The following DNAH5 variants were observed in gnomAD, a reference collection of about 807,000 sequenced individuals.
The protein encoded by DNAH5 is axonemal beta dynein heavy chain 5.
DNAH5 carries 372 observed loss-of-function variants against 518.2 expected under a neutral mutation model. The ratio of observed to expected loss-of-function variants is 0.72; its 90% CI spans 0.66 to 0.78. The LOEUF (loss-of-function observed/expected upper bound fraction) is 0.78. Among genes scored for constraint, DNAH5 ranks in the 30% least tolerant of loss-of-function variants. The pLI is 0.00. For missense variants in DNAH5, 5,523 were observed against 5,687.0 expected, an observed-to-expected ratio of 0.97 and a Z score of 0.93; for synonymous variants, 2,039 against 2,025.9, an observed-to-expected ratio of 1.01 and a Z score of -0.17.
At chr5:13,858,436 G>A (rs1430739118) in intron 30 of DNAH5, among the ~76,000 whole-genome samples, 3 of 152,112 alleles carry the variant, frequency 2.0e-5, no homozygotes, top group Non-Finnish European at 4.4e-5. Context: ...GGGGCAAGGG[G>A]AGGGATAGCA....
chr5:13,788,607 A>G (rs1756459484), intron 51 of DNAH5, 109 bp downstream of exon 51: 4 of 922,120 alleles, frequency 4.3e-6, no homozygotes, highest in Non-Finnish European at 5.3e-6. Context: ...TTGTATCAAT[A>G]AAGTTTACTA....
chr5:13,824,141 G>A, intron 39 of DNAH5, 58 bp downstream of exon 39: 2 of 1,519,470 alleles, frequency 1.3e-6, no homozygotes, highest in Non-Finnish European at 1.8e-6. Flanking sequence ...TCTCATGTAT[G>A]GGCAGTTAGT....
At chr5:13,917,878 C>T (rs1188992702) in intron 7 of DNAH5, among the ~76,000 whole-genome samples, 3 of 152,306 alleles carry the variant, frequency 2.0e-5, no homozygotes, top group Non-Finnish European at 2.9e-5. Flanking sequence ...ATCTATAGCA[C>T]GTTTATTGCA....
intron 1 of DNAH5, among the ~76,000 whole-genome samples, chr5:13,997,614 T>A (rs917125565): frequency 1.2e-4 from 18 of 152,314 alleles, no homozygotes; most frequent in Middle Eastern, 3.4e-3. Flanking sequence ...CTCACCAGAA[T>A]TATCCTTTAT....
At chr5:13,992,421 T>C (rs1783621261) in intron 1 of DNAH5, among the ~76,000 whole-genome samples, 1 of 152,232 alleles carries the variant, frequency 6.6e-6, no homozygotes, top group Admixed American at 6.5e-5. Context: ...TTCAGAATTT[T>C]TGTATCACTT....
intron 55 of DNAH5, among the ~76,000 whole-genome samples, chr5:13,771,672 C>T (rs1753356196): frequency 6.6e-6 from 1 of 152,218 alleles, no homozygotes; most frequent in African/African-American, 2.4e-5. Flanking sequence ...GGAGCCACCA[C>T]TGCGACGGGT....
rs1204559482 is a variant in DNAH5 at position 13,859,570 on chromosome 5, C to A, written c.4832G>T (p.Trp1611Leu). ...TGTTGAGTTGGAAAGGTACTGCACC[C>A]ATTTTTGAATCTGGGCTTTGAATGG... The part of the protein sequence containing the change: ...NMPFKAQIQK[W>L]VQYLSNSTDI... The change falls in exon 30 of 79, where the codon TGG becomes TTG. Residue 1611 changes from tryptophan to leucine, a missense_variant. Around this residue, in one of 3 missense-constraint regions of DNAH5, gnomAD observed 5,121 missense variants for 5,223.3 expected, o/e 0.98. Coordinates refer to ENST00000265104, the MANE Select transcript of DNAH5 (RefSeq NM_001369.3). The A allele has an allele frequency of 6.2e-7, 1 of 1,614,044 alleles. No individual in the cohort carries two copies. The highest frequency in any genetic ancestry group is 8.5e-7 in the Non-Finnish European group (1 of 1,179,938).
At chr5:13,954,046 C>G (rs564908094) in intron 1 of DNAH5, among the ~76,000 whole-genome samples, 1 of 152,100 alleles carries the variant, frequency 6.6e-6, no homozygotes, top group African/African-American at 2.4e-5. Flanking sequence ...AGTAAAGACC[C>G]TAAAGGTCAA....
Position 13,824,277 on chromosome 5 carries a change from T to C in DNAH5, c.6501A>G (p.Ala2167=), listed in dbSNP as rs1277792544. 6.2e-7 allele frequency: 1 copy of C among 1,614,122 alleles called. No individual in the cohort carries two copies. The highest frequency in any genetic ancestry group is 1.7e-5 in the Admixed American group (1 of 60,022). ...TATCCATTGGATTGGCTCTTTTTGCTGCTCCCAAGGTCCGAAGAACTGACA... is the reference window on the plus strand; with the variant it reads ...TATCCATTGGATTGGCTCTTTTTGCCGCTCCCAAGGTCCGAAGAACTGACA... The part of the protein sequence containing the change: ...NILSVLRTLG[A]AKRANPMDTE... The change falls in exon 39 of 79, where the codon GCA becomes GCG. Residue 2167 remains alanine (A), a synonymous_variant. Coordinates refer to ENST00000265104, the MANE Select transcript of DNAH5 (RefSeq NM_001369.3).
chr5:13,773,105 C>T (rs1029173461), intron 55 of DNAH5, among the ~76,000 whole-genome samples: 6 of 152,088 alleles, frequency 3.9e-5, no homozygotes, highest in Non-Finnish European at 8.8e-5. Flanking sequence ...TGTCTTATGT[C>T]TTTTAGTTCT....
At chr5:14,006,148 C>T (rs1412304042) in intron 1 of DNAH5, among the ~76,000 whole-genome samples, 2 of 152,196 alleles carry the variant, frequency 1.3e-5, no homozygotes, top group Non-Finnish European at 1.5e-5. Flanking sequence ...TCCAGACCTT[C>T]GCTCTGAATG....
At chr5:13,959,470 C>A (rs1473404630) in intron 1 of DNAH5, among the ~76,000 whole-genome samples, 2 of 152,228 alleles carry the variant, frequency 1.3e-5, no homozygotes, top group Non-Finnish European at 2.9e-5. Context: ...AGCCCCAAGT[C>A]AGAACCAGGC....
intron 47 of DNAH5, among the ~76,000 whole-genome samples, chr5:13,795,111 A>T (rs1163824910): frequency 1.3e-5 from 2 of 152,216 alleles, no homozygotes; most frequent in East Asian, 3.8e-4. Flanking sequence ...AAGATCCAAA[A>T]TTGACACCCT....
chr5:13,966,775 CAT>C (rs1781556497), intron 1 of DNAH5, among the ~76,000 whole-genome samples: 1 of 152,146 alleles, frequency 6.6e-6, no homozygotes, highest in African/African-American at 2.4e-5. Flanking sequence ...TTGTTGGATG[CAT>C]AGTTTGTGAA....
rs550569871 is a variant in DNAH5 at position 13,922,413 on chromosome 5, C to T, written c.439-85G>A. On this transcript the variant is annotated intron_variant, in intron 4 of 78. Transcript: ENST00000265104. The stretch of plus-strand genomic sequence containing the variant: ...CTAAGTCATTTCTTAAATGTTGTCA[C>T]TTTACCAAATACCCAGTAAATTATT... 5.0e-5 allele frequency: 66 copies of T among 1,322,758 alleles called. 3 individuals carry two copies. In the South Asian group the frequency reaches 7.1e-4, roughly 14 times the overall value. 81.9% of individuals were successfully genotyped at this position (1,322,758 alleles called of 1,614,324 possible).
chr5:13,884,062 C>T (rs921516849), intron 19 of DNAH5, among the ~76,000 whole-genome samples: 1 of 152,026 alleles, frequency 6.6e-6, no homozygotes, highest in African/African-American at 2.4e-5. Flanking sequence ...CTAGATTTGA[C>T]AGATTTTTGT....
chr5:13,692,615 C>A (rs567349433), intron 78 of DNAH5, among the ~76,000 whole-genome samples: 1 of 152,280 alleles, frequency 6.6e-6, no homozygotes, highest in African/African-American at 2.4e-5. Flanking sequence ...TGCCTCCCCA[C>A]CCCCCAGCTA....
chr5:13,915,844 C>T (rs1776592380), intron 9 of DNAH5, among the ~76,000 whole-genome samples: 2 of 152,082 alleles, frequency 1.3e-5, no homozygotes, highest in East Asian at 1.9e-4. Flanking sequence ...GTTTAAGCAT[C>T]GTTATGTTTT....
chr5:13,946,370 T>A (rs941953161), upstream of DNAH5, among the ~76,000 whole-genome samples: 1 of 152,154 alleles, frequency 6.6e-6, no homozygotes, highest in African/African-American at 2.4e-5. Context: ...GTGGCTGAAT[T>A]TCAACCCCTC....
Sources: allele counts gnomAD v4.1 joint callset (sites outside exome capture counted in the v4.1 genomes callset), GRCh38; gene constraint gnomAD v4.1.1; regional missense constraint gnomAD v4.1.1; transcripts MANE v1.5; gene names NCBI Gene and HGNC (gene_info 2026-07-23, HGNC 2026-07-21).